Variants in TEX9 observed in about 807,000 individuals in gnomAD.
TEX9 encodes testis-expressed protein 9.
A neutral mutation model predicts 59.6 loss-of-function variants in TEX9; 74 were observed. The observed-to-expected ratio is 1.24, with a 90% CI of 1.03 to 1.51. The LOEUF (loss-of-function observed/expected upper bound fraction) is 1.51. TEX9 is among the 40% of genes most tolerant of loss of function. The pLI is 0.00. For synonymous variants in TEX9, 186 were observed against 152.2 expected (o/e 1.22, Z -1.64); for missense variants, 522 against 447.8 (o/e 1.17, Z -1.49).
intron 1 of TEX9, among the ~76,000 whole-genome samples, chr15:56,322,522 T>C (rs2045925230): frequency 6.6e-6 from 1 of 152,152 alleles, no homozygotes; most frequent in African/African-American, 2.4e-5. Flanking sequence ...TGAAATGATA[T>C]ACTTAATATT....
chr15:56,369,619 C>T (rs1251996273), intron 2 of TEX9, among the ~76,000 whole-genome samples: 4 of 151,868 alleles, frequency 2.6e-5, no homozygotes, highest in African/African-American at 9.7e-5. Flanking sequence ...ACAGGCCCAG[C>T]CTAGTTTATT....
intron 1 of TEX9, among the ~76,000 whole-genome samples, chr15:56,275,693 C>T (rs1005087934): frequency 3.3e-5 from 5 of 152,002 alleles, no homozygotes; most frequent in South Asian, 2.1e-4. Flanking sequence ...ACTTTATTGT[C>T]GTTATTTTTT....
At chr15:56,358,275 G>A (rs2046721645) in intron 1 of TEX9, among the ~76,000 whole-genome samples, 1 of 151,722 alleles carries the variant, frequency 6.6e-6, no homozygotes, top group Non-Finnish European at 1.5e-5. Context: ...TCTGGAGAAT[G>A]AGATGTCAGG....
intron 10 of TEX9, among the ~76,000 whole-genome samples, chr15:56,420,838 T>C (rs1224850321): frequency 1.3e-5 from 2 of 151,994 alleles, no homozygotes; most frequent in African/African-American, 4.8e-5. Context: ...ATTTCATTTT[T>C]CAAATACTTA....
chr15:56,343,261 T>G (rs2046406611), intron 1 of TEX9, among the ~76,000 whole-genome samples: 1 of 152,140 alleles, frequency 6.6e-6, no homozygotes, highest in Non-Finnish European at 1.5e-5. Flanking sequence ...TAGAGAAAAT[T>G]GTTAGCCTTA....
At chr15:56,247,696 G>A (rs2043894244) in intron 1 of TEX9, among the ~76,000 whole-genome samples, 1 of 152,146 alleles carries the variant, frequency 6.6e-6, no homozygotes, top group African/African-American at 2.4e-5. Flanking sequence ...ATCAAAGGAA[G>A]GCCTGAAAGT....
chr15:56,368,665 A>G (rs1167095381), intron 2 of TEX9, among the ~76,000 whole-genome samples: 2 of 152,150 alleles, frequency 1.3e-5, no homozygotes, highest in African/African-American at 2.4e-5. Flanking sequence ...AAAAGTGTTC[A>G]TATCATGTAT....
At position 56,402,089 on chromosome 15, in the gene TEX9, A is replaced by G. The variant is rs1028594541; in HGVS notation, c.828+7255A>G. Among the ~76,000 whole-genome samples the G allele has an allele frequency of 2.0e-5, 3 of 152,296 alleles. No individual in the cohort carries two copies. The East Asian group carries it at 5.8e-4, about 29-fold the overall frequency. ...TAAAAGAACTAGAGAAGCAAGAGGA[A>G]ACAAATTCAAAAGCTAGCAGAAAGC... On this transcript the variant is annotated intron_variant, in intron 9 of 12. Coordinates refer to ENST00000352903, the Ensembl canonical transcript of TEX9.
rs1298206140 is a variant in TEX9, at chr15:56,428,308, G to A, written c.1099-59G>A. 5 of 1,259,966 alleles carry A rather than the reference G, an allele frequency of 4.0e-6. No individual in the cohort carries two copies. The African/African-American group carries it at 4.4e-5, about 11-fold the overall frequency. The allele number at this position is 1,259,966 out of a possible 1,614,324, so 78.0% of individuals were successfully genotyped here. A position where few individuals can be genotyped will look rare whatever the true frequency, so the allele number is the denominator to read the frequency against. On this transcript the variant is annotated intron_variant, in intron 11 of 12. Coordinates refer to ENST00000352903, the Ensembl canonical transcript of TEX9. ...ATCCACACATTTTTACAAACTTCCT[G>A]TTGTTTGGTGGCCTACTCTTAATAC...
intron 1 of TEX9, among the ~76,000 whole-genome samples, chr15:56,262,689 C>A (rs758183251): frequency 2.6e-5 from 4 of 152,212 alleles, no homozygotes; most frequent in Admixed American, 6.5e-5. Context: ...CCTCTTGCAT[C>A]TAACACACCA....
chr15:56,252,972 C>T (rs2044061391), intron 1 of TEX9, among the ~76,000 whole-genome samples: 1 of 152,086 alleles, frequency 6.6e-6, no homozygotes, highest in South Asian at 2.1e-4. Context: ...ATGAATTTCC[C>T]TTCCTTTTTT....
chr15:56,300,005 AC>A (rs2045305427), intron 1 of TEX9, among the ~76,000 whole-genome samples: 4 of 151,962 alleles, frequency 2.6e-5, no homozygotes. Flanking sequence ...AGTAAAGGAG[AC>A]TTTGTCTTTC....
At chr15:56,442,916 A>G (rs2050843507) in intron 12 of TEX9, among the ~76,000 whole-genome samples, 1 of 152,172 alleles carries the variant, frequency 6.6e-6, no homozygotes, top group Admixed American at 6.5e-5. Flanking sequence ...AAAAGAAAAA[A>G]AAAAAAATCT....
At chr15:56,447,054 G>T, downstream of TEX9, 1 of 705,780 alleles carries the variant, frequency 1.4e-6, no homozygotes, top group South Asian at 1.9e-5. Context: ...GAATACAGCG[G>T]GTATTATTTT....
intron 1 of TEX9, among the ~76,000 whole-genome samples, chr15:56,340,376 A>T (rs1235213835): frequency 6.6e-5 from 10 of 152,226 alleles, no homozygotes; most frequent in African/African-American, 2.2e-4. Flanking sequence ...TCTAACAATC[A>T]TGATAATACA....
chr15:56,453,107 T>G, the TEX9 span, among the ~76,000 whole-genome samples: 60,358 of 152,008 alleles, frequency 0.4, 12,782 homozygotes, highest in Non-Finnish European at 0.47. Flanking sequence ...GTGAATAAAT[T>G]TATTCATTAT....
At chr15:56,398,299 G>A (rs1217289088) in intron 9 of TEX9, 1 of 151,270 alleles carries the variant, frequency 6.6e-6, no homozygotes, top group African/African-American at 2.4e-5. Context: ...AATATATTAG[G>A]TTAAGTGAAA....
intron 1 of TEX9, among the ~76,000 whole-genome samples, chr15:56,317,458 G>C (rs1596084710): frequency 6.6e-6 from 1 of 152,094 alleles, no homozygotes; most frequent in East Asian, 1.9e-4. Flanking sequence ...AGGTTTGTCA[G>C]TTTTGTGAAT....
intron 1 of TEX9, among the ~76,000 whole-genome samples, chr15:56,342,929 C>A (rs1439539316): frequency 6.6e-6 from 1 of 152,142 alleles, no homozygotes; most frequent in Non-Finnish European, 1.5e-5. Flanking sequence ...TTAATCATAG[C>A]TCTCCAGAGA....
Sources: allele counts gnomAD v4.1 joint callset (sites outside exome capture counted in the v4.1 genomes callset), GRCh38; gene constraint gnomAD v4.1.1; transcripts MANE v1.5; gene names NCBI Gene and HGNC (gene_info 2026-07-23, HGNC 2026-07-21).